Variants in ADGRB3 observed in about 807,000 individuals in gnomAD.
The protein encoded by ADGRB3 is brain-specific angiogenesis inhibitor 3.
In ADGRB3, 37 loss-of-function variants were observed where a neutral mutation model predicts 193.4. That is an observed-to-expected ratio of 0.19 (90% CI 0.15 to 0.25). ADGRB3 has a LOEUF of 0.25. ADGRB3 is among the 10% of genes least tolerant of loss of function. ADGRB3 has a pLI of 1.00. For synonymous variants in ADGRB3, 690 were observed against 644.2 expected (o/e 1.07, Z -1.08); for missense variants, 1,637 against 1,852.9 (o/e 0.88, Z 2.14).
intron 17 of ADGRB3, among the ~76,000 whole-genome samples, chr6:69,152,411 T>C (rs1774705038): frequency 6.6e-6 from 1 of 152,196 alleles, no homozygotes; most frequent in Admixed American, 6.6e-5. Context: ...GTGGGATAAA[T>C]GTTCTCCTAT....
chr6:69,143,316 T>C (rs762127815), intron 17 of ADGRB3, among the ~76,000 whole-genome samples: 1 of 152,190 alleles, frequency 6.6e-6, no homozygotes, highest in Non-Finnish European at 1.5e-5. Flanking sequence ...TTGAAAATAT[T>C]TTCTCTCATT....
rs1323476256 is a variant in ADGRB3, at chr6:68,993,919, C to T, written c.1886C>T (p.Thr629Ile). 1 of 1,613,772 alleles carries T rather than the reference C, an allele frequency of 6.2e-7. No individual in the cohort carries two copies. The highest frequency in any genetic ancestry group is 1.1e-5 in the South Asian group (1 of 91,050). The change falls in exon 11 of 32, where the codon ACA becomes ATA. Residue 629 changes from threonine (T) to isoleucine (I), a missense_variant. Around this residue, in one of 7 missense-constraint regions of ADGRB3, gnomAD observed 641 missense variants for 673.9 expected, o/e 0.95. Coordinates refer to ENST00000370598, the MANE Select transcript of ADGRB3 (RefSeq NM_001704.3). Reference protein sequence around the residue: ...SVEILRNVTDTFKRASYIPAS... With the variant: ...SVEILRNVTDIFKRASYIPAS... The stretch of plus-strand genomic sequence containing the variant: ...GAGATCCTGAGAAATGTGACAGACA[C>T]ATTTAAAAGGGCAAGTTACATCCCT...
chr6:69,005,103 T>C (rs1462980296), intron 11 of ADGRB3, among the ~76,000 whole-genome samples: 3 of 152,146 alleles, frequency 2.0e-5, no homozygotes, highest in Admixed American at 2.0e-4. Flanking sequence ...TGAGTTATGA[T>C]ATTTTTATAA....
chr6:69,308,276 A>C (rs1768106675), intron 20 of ADGRB3, among the ~76,000 whole-genome samples: 1 of 151,502 alleles, frequency 6.6e-6, no homozygotes, highest in African/African-American at 2.4e-5. Flanking sequence ...TAGTAATTAC[A>C]CTTACCTTTC....
At chr6:69,036,981 C>G (rs1257555424) in intron 13 of ADGRB3, among the ~76,000 whole-genome samples, 1 of 152,100 alleles carries the variant, frequency 6.6e-6, no homozygotes, top group Non-Finnish European at 1.5e-5. Context: ...TAAAGAAAGC[C>G]AGTCAGACAG....
chr6:69,345,583 T>C (rs1181124781), intron 26 of ADGRB3, among the ~76,000 whole-genome samples: 1 of 152,112 alleles, frequency 6.6e-6, no homozygotes, highest in Non-Finnish European at 1.5e-5. Context: ...CTCAATAAAC[T>C]AGGTACTGAT....
intron 3 of ADGRB3, among the ~76,000 whole-genome samples, chr6:68,901,081 C>A (rs1231552539): frequency 6.6e-6 from 1 of 152,090 alleles, no homozygotes; most frequent in African/African-American, 2.4e-5. Flanking sequence ...TAACAAATTA[C>A]CTCAAATTTA....
intron 5 of ADGRB3, among the ~76,000 whole-genome samples, chr6:68,938,693 A>G (rs528190616): frequency 1.3e-5 from 2 of 152,230 alleles, no homozygotes; most frequent in South Asian, 4.1e-4. Flanking sequence ...TAGAAATGAA[A>G]TCTTCATACC....
chr6:69,124,886 A>ATTTT (rs60143202), intron 17 of ADGRB3, among the ~76,000 whole-genome samples: 1 of 149,406 alleles, frequency 6.7e-6, no homozygotes. Context: ...CAGTTTTGCC[A>ATTTT]TTTTTTTTTT....
chr6:69,217,021 G>A (rs1047787188), intron 17 of ADGRB3, among the ~76,000 whole-genome samples: 1 of 152,108 alleles, frequency 6.6e-6, no homozygotes, highest in Non-Finnish European at 1.5e-5. Context: ...ACATTTAGGA[G>A]GCATGATTCT....
rs186170024 is a variant in ADGRB3 at position 68,911,273 on chromosome 6, G to T, written c.758-19286G>T. On this transcript the variant is annotated intron_variant, in intron 3 of 31. Coordinates refer to ENST00000370598, the MANE Select transcript of ADGRB3 (RefSeq NM_001704.3). Reference sequence around the variant, plus strand: ...CACACACCGGGGCCTGTTGTGGGGTGGGGGGAGGGGGGAGGGCTAGCATTA... The same window carrying T: ...CACACACCGGGGCCTGTTGTGGGGTTGGGGGAGGGGGGAGGGCTAGCATTA... 6.3e-5 allele frequency among the ~76,000 whole-genome samples: 8 copies of T among 127,540 alleles called. No homozygotes were observed. The East Asian group carries it at 8.9e-4, about 14-fold the overall frequency. The allele number at this position is 127,540 out of a possible 152,430, so 83.7% of individuals were successfully genotyped here.
chr6:68,635,635 A>G lies in ADGRB3; in HGVS notation c.-553A>G, dbSNP rs1767928710. On this transcript the variant is annotated 5_prime_UTR_variant, in exon 1 of 32. Transcript: ENST00000370598. ...TTGTTGGGGGTAGCTTTTATGAAAC[A>G]AATCTTTGCTATTAAGCCACTTACA... 6.6e-6 allele frequency: 1 copy of G among 152,422 alleles called. No individual in the cohort carries two copies. Among genetic ancestry groups the G allele is most frequent in the South Asian group, 2.1e-4 (1 of 4,854 alleles). The allele number at this position is 152,422 out of a possible 1,614,324, so 9.4% of individuals were successfully genotyped here. A position where few individuals can be genotyped will look rare whatever the true frequency, so the allele number is the denominator to read the frequency against.
chr6:68,879,074 A>G (rs1261582715), intron 3 of ADGRB3, among the ~76,000 whole-genome samples: 2 of 152,162 alleles, frequency 1.3e-5, no homozygotes, highest in East Asian at 1.9e-4. Context: ...GAGCCAAACC[A>G]TATCATGGCA....
Position 69,124,092 on chromosome 6 carries a change from AT to A in ADGRB3, c.2480+48064del, listed in dbSNP as rs11430097. ...ACCATGCAACATTGCATGACTCTGA[AT>A]TTTTTTTTTGTAGGTGACATTTTTA... On this transcript the variant is annotated intron_variant, in intron 17 of 31. Transcript: ENST00000370598. Among the ~76,000 whole-genome samples, 10 of 150,534 alleles carry A rather than the reference AT, an allele frequency of 6.6e-5. No individual in the cohort carries two copies. The East Asian group carries it at 9.7e-4, about 15-fold the overall frequency.
intron 28 of ADGRB3, among the ~76,000 whole-genome samples, chr6:69,356,424 G>A (rs1582653655): frequency 6.6e-6 from 1 of 152,168 alleles, no homozygotes; most frequent in East Asian, 1.9e-4. Flanking sequence ...CCATATTTAT[G>A]TGTATGACAA....
intron 6 of ADGRB3, among the ~76,000 whole-genome samples, chr6:68,954,584 C>A (rs1768017962): frequency 6.6e-6 from 1 of 152,114 alleles, no homozygotes; most frequent in South Asian, 2.1e-4. Context: ...CTCATCATCA[C>A]AGCTCAGATC....
chr6:69,209,861 T>G (rs890307737), intron 17 of ADGRB3, among the ~76,000 whole-genome samples: 7 of 151,942 alleles, frequency 4.6e-5, no homozygotes, highest in African/African-American at 1.2e-4. Context: ...TAAATCAAAT[T>G]CATTTATTTT....
intron 11 of ADGRB3, among the ~76,000 whole-genome samples, chr6:69,010,798 A>G (rs1030560149): frequency 6.6e-6 from 1 of 151,778 alleles, no homozygotes; most frequent in African/African-American, 2.4e-5. Context: ...AAATCAAAAA[A>G]CAAAAAAAAG....
chr6:68,927,410 A>G (rs1316792358), intron 3 of ADGRB3, among the ~76,000 whole-genome samples: 3 of 152,180 alleles, frequency 2.0e-5, no homozygotes, highest in Non-Finnish European at 2.9e-5. Context: ...ACATAAAATA[A>G]TAGCAAAAAT....
Sources: allele counts gnomAD v4.1 joint callset (sites outside exome capture counted in the v4.1 genomes callset), GRCh38; gene constraint gnomAD v4.1.1; regional missense constraint gnomAD v4.1.1; transcripts MANE v1.5; gene names NCBI Gene and HGNC (gene_info 2026-07-23, HGNC 2026-07-21).